PUDP: variants seen among roughly 807,000 people sequenced by gnomAD.
The protein encoded by PUDP is pseudouridine 5'-phosphatase.
PUDP carries 8 observed loss-of-function variants against 9.4 expected under a neutral mutation model. The ratio of observed to expected loss-of-function variants is 0.85; its 90% confidence interval spans 0.50 to 1.53. The LOEUF (loss-of-function observed/expected upper bound fraction) is 1.53, where lower values mean the gene tolerates loss of function less well. Among genes scored for constraint, PUDP ranks in the 40% most tolerant of loss-of-function variants. The pLI is 0.00. For missense variants in PUDP, 188 were observed against 189.7 expected, an observed-to-expected ratio of 0.99 and a Z score of 0.05; for synonymous variants, 99 against 80.7, an observed-to-expected ratio of 1.23 and a Z score of -1.22.
intron 3 of PUDP, among the ~76,000 whole-genome samples, chrX:6,921,290 G>C (rs997902623): frequency 2.7e-5 from 3 of 110,426 alleles, no homozygotes; most frequent in African/African-American, 9.9e-5. Context: ...GGCTGAGGCA[G>C]GAGGGTCACT....
intron 3 of PUDP, among the ~76,000 whole-genome samples, chrX:6,916,592 C>T (rs1250713386): frequency 9.0e-6 from 1 of 111,401 alleles, no homozygotes; most frequent in Admixed American, 9.6e-5. Context: ...CCTTTGAATA[C>T]GGATGTGATG....
At chrX:6,748,622 A>T (rs1354648281) in intron 3 of PUDP, among the ~76,000 whole-genome samples, 1 of 111,977 alleles carries the variant, frequency 8.9e-6, no homozygotes, top group African/African-American at 3.2e-5. Context: ...CTTAAAAAAA[A>T]TAACGAACAC....
intron 3 of PUDP, among the ~76,000 whole-genome samples, chrX:6,958,496 T>G (rs1928660276): frequency 9.0e-6 from 1 of 111,669 alleles, no homozygotes; most frequent in African/African-American, 3.3e-5. Flanking sequence ...TTATTCCTAA[T>G]TAAATGGGGA....
chrX:6,979,955 T>C (rs1929008954), intron 1 of PUDP, among the ~76,000 whole-genome samples: 1 of 110,962 alleles, frequency 9.0e-6, no homozygotes, highest in African/African-American at 3.3e-5. Context: ...TTTTCTGACT[T>C]ATTTTAGATT....
intron 1 of PUDP, among the ~76,000 whole-genome samples, chrX:7,137,045 G>A (rs1482811974): frequency 9.0e-6 from 1 of 111,209 alleles, no homozygotes; most frequent in Non-Finnish European, 1.9e-5. Context: ...TTCGAGACCT[G>A]CCTGACCAAC....
chrX:6,771,797 T>G (rs1206410918), intron 3 of PUDP, among the ~76,000 whole-genome samples: 2 of 112,628 alleles, frequency 1.8e-5, no homozygotes. Context: ...TGGTCTCTGT[T>G]GCAAACGTTC....
chrX:6,986,030 G>A (rs1929098078), intron 1 of PUDP, among the ~76,000 whole-genome samples: 1 of 111,338 alleles, frequency 9.0e-6, no homozygotes, highest in Admixed American at 9.5e-5. Flanking sequence ...CGTCTTCACT[G>A]CTACACTCCC....
At chrX:6,907,148 T>C (rs1391616307) in intron 3 of PUDP, among the ~76,000 whole-genome samples, 2 of 110,812 alleles carry the variant, frequency 1.8e-5, no homozygotes, top group African/African-American at 6.6e-5. Context: ...ACCCCCATGC[T>C]GCTATTCTCA....
intron 3 of PUDP, among the ~76,000 whole-genome samples, chrX:6,933,913 G>A (rs1289060806): frequency 1.2e-4 from 13 of 109,578 alleles, no homozygotes; most frequent in East Asian, 5.8e-4. Context: ...GAAATGAAGC[G>A]AGAAGGGAAG....
chrX:6,861,059 G>C (rs1926994307), intron 3 of PUDP, among the ~76,000 whole-genome samples: 1 of 112,170 alleles, frequency 8.9e-6, no homozygotes, highest in Non-Finnish European at 1.9e-5. Context: ...AGTCATATTT[G>C]CATATGCAGA....
intron 3 of PUDP, among the ~76,000 whole-genome samples, chrX:6,926,081 G>A (rs1183083673): frequency 9.0e-6 from 1 of 111,641 alleles, no homozygotes; most frequent in East Asian, 2.8e-4. Flanking sequence ...ATCATGGCCG[G>A]GAACTCAGTT....
rs1930022109 is a variant in PUDP at position 7,048,921 on chromosome X, AC to A, written c.*1374del. 8.9e-6 allele frequency: 1 copy of A among 112,378 alleles called. No individual in the cohort carries two copies. The highest frequency in any genetic ancestry group is 3.2e-5 in the African/African-American group (1 of 30,984). 9.3% of individuals were successfully genotyped at this position (112,378 alleles called of 1,213,427 possible). On this transcript the variant is annotated 3_prime_UTR_variant, in exon 4 of 4. Transcript: ENST00000381077. ...AATCATGACTCTCATACAAATATCA[AC>A]ATGTGTCAAAAGATTTTATTAAACT... is the stretch of plus-strand genomic sequence containing the variant.
intron 2 of PUDP, among the ~76,000 whole-genome samples, chrX:7,094,353 A>ATTTTTT (rs57548230): frequency 1.4e-5 from 1 of 73,504 alleles, no homozygotes; most frequent in Non-Finnish European, 2.5e-5. Flanking sequence ...GAATAAGCTG[A>ATTTTTT]TTTTTTTTTT....
intron 3 of PUDP, among the ~76,000 whole-genome samples, chrX:6,921,157 G>A (rs1320021245): frequency 1.8e-5 from 2 of 110,879 alleles, no homozygotes; most frequent in South Asian, 7.8e-4. Context: ...GGCGAGGTGG[G>A]AGGATCACTT....
At chrX:7,043,766 T>C (rs781343661) in intron 1 of PUDP, among the ~76,000 whole-genome samples, 35 of 111,129 alleles carry the variant, frequency 3.1e-4, no homozygotes, top group Non-Finnish European at 5.1e-4. Flanking sequence ...TATGGAGAAT[T>C]AGCAGTGGGA....
intron 3 of PUDP, among the ~76,000 whole-genome samples, chrX:6,942,487 C>G (rs928638248): frequency 9.0e-5 from 10 of 111,646 alleles, no homozygotes; most frequent in Non-Finnish European, 1.9e-4. Context: ...GTTGCTCTTT[C>G]TGCATTTGCT....
intron 3 of PUDP, among the ~76,000 whole-genome samples, chrX:6,850,924 G>T (rs1926817908): frequency 8.9e-6 from 1 of 112,366 alleles, no homozygotes; most frequent in African/African-American, 3.2e-5. Flanking sequence ...TCATCTGACA[G>T]TAATAGTGTA....
chrX:6,796,335 A>T (rs932650702), intron 3 of PUDP, among the ~76,000 whole-genome samples: 5 of 112,095 alleles, frequency 4.5e-5, no homozygotes, highest in Non-Finnish European at 7.5e-5. Flanking sequence ...AGTCTTTATG[A>T]GCAAGTGTTT....
rs752293812 is a variant in PUDP, at chrX:7,050,342, AG to A, written c.640del (p.Leu214CysfsTer105). On this transcript the variant is annotated frameshift_variant, in exon 4 of 4. Coordinates refer to ENST00000381077, the MANE Select transcript of PUDP (RefSeq NM_012080.5). LOFTEE classifies it high-confidence loss of function. ...AAACAGCTCGGGCTGGAAGTCCTGC[AG>A]GGAATTCAGCACCAGGGTGGCCTTT... The part of the protein sequence containing the change: ...TTKATLVLNS[L>X]QDFQPELFGL... 5.0e-6 allele frequency: 6 copies of A among 1,209,956 alleles called. No individual in the cohort carries two copies. The East Asian group carries it at 1.8e-4, about 36-fold the overall frequency.
Sources: allele counts gnomAD v4.1 joint callset (sites outside exome capture counted in the v4.1 genomes callset), GRCh38; gene constraint gnomAD v4.1.1; transcripts MANE v1.5; gene names NCBI Gene and HGNC (gene_info 2026-07-23, HGNC 2026-07-21).